SATB2: variants seen among roughly 807,000 people sequenced by gnomAD.
SATB2 encodes SATB homeobox 2.
Under a neutral mutation model 73.4 loss-of-function variants are expected in SATB2, and 1 was observed. The observed-to-expected ratio is 0.01, with a 90% CI of 0.00 to 0.06. SATB2 has a LOEUF of 0.06. SATB2 is among the 10% of genes least tolerant of loss of function. The pLI, the probability that SATB2 is intolerant of heterozygous loss-of-function variation, is 1.00. For synonymous variants in SATB2, 397 were observed against 367.0 expected, an observed-to-expected ratio of 1.08 and a Z score of -0.93; for missense variants, 459 against 945.8, an observed-to-expected ratio of 0.49 and a Z score of 6.75.
At chr2:199,336,228 A>C (rs897524421) in intron 7 of SATB2, among the ~76,000 whole-genome samples, 8 of 152,196 alleles carry the variant, frequency 5.3e-5, no homozygotes, top group African/African-American at 1.9e-4. Context: ...AAGTGAAAGC[A>C]AACAGAACTG....
At chr2:199,310,294 C>G (rs1487771491) in intron 9 of SATB2, among the ~76,000 whole-genome samples, 4 of 152,150 alleles carry the variant, frequency 2.6e-5, no homozygotes, top group Non-Finnish European at 4.4e-5. Flanking sequence ...TTTGCGCAGA[C>G]CTGATCTTTT....
chr2:199,431,436 A>G (rs1025776298), intron 3 of SATB2, among the ~76,000 whole-genome samples: 4 of 152,226 alleles, frequency 2.6e-5, no homozygotes, highest in South Asian at 2.1e-4. Context: ...ACTGAGTGAT[A>G]AAATCTTTGC....
intron 10 of SATB2, among the ~76,000 whole-genome samples, chr2:199,301,832 C>G: frequency 6.6e-6 from 1 of 152,060 alleles, no homozygotes; most frequent in East Asian, 1.9e-4. Context: ...TCAGATGATG[C>G]TTGGAAGTAA....
chr2:199,328,608 C>T, intron 8 of SATB2, 90 bp downstream of exon 8: 2 of 922,244 alleles, frequency 2.2e-6, no homozygotes, highest in Non-Finnish European at 3.6e-6. Flanking sequence ...TGAATTATGT[C>T]TCTCAATGTT....
At chr2:199,392,042 T>C (rs1344104826) in intron 3 of SATB2, among the ~76,000 whole-genome samples, 1 of 152,084 alleles carries the variant, frequency 6.6e-6, no homozygotes, top group Non-Finnish European at 1.5e-5. Context: ...ATTAAGTAAA[T>C]GGGTTCCAAG....
At chr2:199,285,739 G>T (rs574793756) in intron 10 of SATB2, among the ~76,000 whole-genome samples, 2 of 151,402 alleles carry the variant, frequency 1.3e-5, no homozygotes, top group Non-Finnish European at 2.9e-5. Flanking sequence ...AAAAAAGAGA[G>T]AGAGAGAGAA....
At chr2:199,452,844 C>G (rs912991263) in intron 2 of SATB2, among the ~76,000 whole-genome samples, 6 of 151,978 alleles carry the variant, frequency 3.9e-5, no homozygotes, top group Admixed American at 3.9e-4. Flanking sequence ...TTATTACATA[C>G]ATGCTTTAAA....
intron 2 of SATB2, among the ~76,000 whole-genome samples, chr2:199,440,451 G>A (rs1326955062): frequency 6.6e-6 from 1 of 152,136 alleles, no homozygotes; most frequent in African/African-American, 2.4e-5. Flanking sequence ...GGTCTTCACA[G>A]TATAATATAT....
At chr2:199,305,367 G>C (rs1044344470) in intron 10 of SATB2, among the ~76,000 whole-genome samples, 11 of 152,050 alleles carry the variant, frequency 7.2e-5, no homozygotes, top group African/African-American at 2.4e-5. Context: ...GGTGGGAGGA[G>C]GGGGAGGGTC....
chr2:199,389,478 T>C (rs376999777), intron 3 of SATB2, among the ~76,000 whole-genome samples: 3 of 152,170 alleles, frequency 2.0e-5, no homozygotes, highest in African/African-American at 7.2e-5. Flanking sequence ...ACAATGGATT[T>C]AATCCTGCAT....
chr2:199,316,653 T>G (rs943988944), intron 9 of SATB2, among the ~76,000 whole-genome samples: 2 of 152,066 alleles, frequency 1.3e-5, no homozygotes, highest in Admixed American at 6.5e-5. Flanking sequence ...GAACAGCCCT[T>G]TAAACCTCTG....
intron 3 of SATB2, among the ~76,000 whole-genome samples, chr2:199,413,915 G>A (rs577633041): frequency 4.6e-5 from 7 of 152,176 alleles, no homozygotes; most frequent in Middle Eastern, 3.4e-3. Flanking sequence ...TGGTTAAGCC[G>A]CTGTTGAAGA....
chr2:199,286,878 A>G (rs1692704577), intron 10 of SATB2, among the ~76,000 whole-genome samples: 1 of 152,190 alleles, frequency 6.6e-6, no homozygotes, highest in African/African-American at 2.4e-5. Flanking sequence ...CTTCATGGGT[A>G]TAATTGCAAA....
intron 6 of SATB2, among the ~76,000 whole-genome samples, chr2:199,363,782 G>A (rs1467551634): frequency 6.6e-6 from 1 of 152,092 alleles, no homozygotes; most frequent in Non-Finnish European, 1.5e-5. Context: ...AAATACGTAA[G>A]TAAATATGTA....
chr2:199,283,577 A>G (rs1414163017), intron 10 of SATB2, among the ~76,000 whole-genome samples: 1 of 151,266 alleles, frequency 6.6e-6, no homozygotes, highest in African/African-American at 2.4e-5. Context: ...TTGCTATGAA[A>G]ATAGTTTCAA....
chr2:199,379,356 T>C (rs1689696389), intron 5 of SATB2, among the ~76,000 whole-genome samples: 2 of 152,304 alleles, frequency 1.3e-5, no homozygotes, highest in East Asian at 3.9e-4. Flanking sequence ...ACAAAACCTC[T>C]ACAAATGTAT....
intron 5 of SATB2, among the ~76,000 whole-genome samples, chr2:199,372,638 A>G (rs1410113872): frequency 6.6e-6 from 1 of 151,778 alleles, no homozygotes; most frequent in Non-Finnish European, 1.5e-5. Context: ...TATTTCATGG[A>G]TCTCTTAAGA....
intron 10 of SATB2, among the ~76,000 whole-genome samples, chr2:199,291,665 C>A (rs1692864768): frequency 6.6e-6 from 1 of 152,092 alleles, no homozygotes; most frequent in African/African-American, 2.4e-5. Flanking sequence ...GTAATCCCAG[C>A]ACTTTGGGAG....
chr2:199,319,693 T>C (rs1687831672), intron 9 of SATB2, among the ~76,000 whole-genome samples: 1 of 151,560 alleles, frequency 6.6e-6, no homozygotes, highest in Admixed American at 6.6e-5. Context: ...GAAAAAACAA[T>C]CACATATGTA....
Sources: gnomAD v4.1 joint callset for allele counts (sites outside exome capture counted in the v4.1 genomes callset) on GRCh38, gnomAD v4.1.1 for gene constraint, MANE v1.5 for transcripts, NCBI Gene and HGNC (gene_info 2026-07-23, HGNC 2026-07-21) for gene names.